The following BDH1 variants were observed in gnomAD, a reference collection of about 807,000 sequenced individuals.
BDH1 encodes the protein 3-hydroxybutyrate dehydrogenase 1.
A neutral mutation model predicts 33.1 loss-of-function variants in BDH1; 30 were observed. The observed-to-expected ratio is 0.91, with a 90% CI of 0.68 to 1.23. BDH1 has a LOEUF of 1.23. Ranked by LOEUF, BDH1 falls within the 50% of genes most tolerant of loss-of-function variation. BDH1 has a pLI of 0.00. For missense variants in BDH1, 443 were observed against 464.4 expected (o/e 0.95, Z 0.42); for synonymous variants, 190 against 183.6 (o/e 1.03, Z -0.28).
chr3:197,538,843 T>G (rs1715367210), intron 3 of BDH1: 2 of 164,994 alleles, frequency 1.2e-5, no homozygotes, highest in African/African-American at 2.4e-5. Context: ...TAAGTCCTTG[T>G]GCACGGATGG....
At chr3:197,568,291 GT>G (rs561555919) in intron 1 of BDH1, among the ~76,000 whole-genome samples, 6,561 of 148,590 alleles carry the variant, frequency 0.044, 407 homozygotes, top group African/African-American at 0.14. Context: ...AGTTTTGTGG[GT>G]TTTTTTTTTT....
chr3:197,570,580 T>C (rs1274428203), intron 1 of BDH1, among the ~76,000 whole-genome samples: 3 of 152,170 alleles, frequency 2.0e-5, no homozygotes, highest in Admixed American at 2.0e-4. Flanking sequence ...GGCTAAAAGG[T>C]GCCAAGGTAC....
intron 5 of BDH1, among the ~76,000 whole-genome samples, chr3:197,531,985 T>C (rs1473110211): frequency 6.6e-6 from 1 of 152,200 alleles, no homozygotes. Flanking sequence ...CAAATGTCAC[T>C]TCCTCTGGCA....
At chr3:197,555,553 G>C (rs1158966831) in intron 1 of BDH1, 1 of 152,350 alleles carries the variant, frequency 6.6e-6, no homozygotes, top group Non-Finnish European at 1.5e-5. Context: ...TGCTGCTGGA[G>C]ACGCCGGCAG....
chr3:197,513,957 C>A (rs114361425), intron 7 of BDH1, among the ~76,000 whole-genome samples: 1,766 of 152,282 alleles, frequency 0.012, 40 homozygotes, highest in African/African-American at 0.04. Flanking sequence ...AAGATGTGTA[C>A]ACACAGCTTT....
At chr3:197,571,543 T>C (rs550344649) in intron 1 of BDH1, among the ~76,000 whole-genome samples, 33 of 152,300 alleles carry the variant, frequency 2.2e-4, no homozygotes, top group African/African-American at 7.7e-4. Context: ...AGTGAATAAG[T>C]CTCATGAGAT....
In BDH1 at chr3:197,554,935, C is replaced by G. The variant is rs1716885475; in HGVS notation, c.-195-222G>C. Among the ~76,000 whole-genome samples, 1 of 152,248 alleles carries G rather than the reference C, an allele frequency of 6.6e-6. No individual in the cohort carries two copies. Among genetic ancestry groups the G allele is most frequent in the Non-Finnish European group, 1.5e-5 (1 of 68,042 alleles). ...CGCCCGAGACGGCGGCGCAGCCAAT[C>G]CCAGAGCAGCGCTCCCCAACGGCCG... On this transcript the variant is annotated intron_variant, in intron 1 of 7. Transcript: ENST00000392379. This position sits in a 1 kb window ranked among gnomAD's most constrained non-coding sequence, Gnocchi z 4.4.
chr3:197,536,607 G>A (rs1182434071), intron 3 of BDH1, among the ~76,000 whole-genome samples: 1 of 152,022 alleles, frequency 6.6e-6, no homozygotes, highest in Non-Finnish European at 1.5e-5. Context: ...TTGGGAGGCC[G>A]AGGCAGGTGG....
At chr3:197,548,320 A>G (rs1716262522) in intron 2 of BDH1, among the ~76,000 whole-genome samples, 2 of 152,320 alleles carry the variant, frequency 1.3e-5, no homozygotes, top group South Asian at 4.1e-4. Flanking sequence ...CTGGCTAAGC[A>G]CACACATCTC....
At chr3:197,552,658 T>C (rs564986598) in intron 2 of BDH1, among the ~76,000 whole-genome samples, 3 of 152,322 alleles carry the variant, frequency 2.0e-5, no homozygotes, top group Non-Finnish European at 4.4e-5. Flanking sequence ...TTTACTAAAA[T>C]GTTTACTAAG....
chr3:197,529,838 C>T (rs1376529260), intron 5 of BDH1: 1 of 152,170 alleles, frequency 6.6e-6, no homozygotes, highest in Non-Finnish European at 1.5e-5. Context: ...AATTCCTCCC[C>T]TGGGTTCCTA....
chr3:197,512,035 C>T lies in BDH1; in HGVS notation c.892G>A (p.Val298Ile), dbSNP rs770197020. 57 of 1,614,038 alleles carry T rather than the reference C, an allele frequency of 3.5e-5. No individual in the cohort carries two copies. The highest frequency in any genetic ancestry group is 4.8e-5 in the Non-Finnish European group (57 of 1,180,046). The change falls in exon 8 of 8, where the codon GTC becomes ATC. Residue 298 changes from valine (V) to isoleucine (I), a missense_variant. Transcript: ENST00000392379. ...CSSGSTDTSPVIDAVTHALTA... is the reference protein window; with the variant it reads ...CSSGSTDTSPIIDAVTHALTA... ...AGGGCGTGTGTGACAGCATCGATGA[C>T]AGGGGACGTGTCTGTGGAGCCACTG...
Position 197,511,880 on chromosome 3 carries a change from C to T in BDH1, c.*15G>A. The T allele has an allele frequency of 6.5e-7, 1 of 1,538,006 alleles. No homozygotes were observed. The highest frequency in any genetic ancestry group is 8.8e-7 in the Non-Finnish European group (1 of 1,140,608). On this transcript the variant is annotated 3_prime_UTR_variant, in exon 8 of 8. Coordinates refer to ENST00000392379, the MANE Select transcript of BDH1 (RefSeq NM_203314.3). ...TTCCACCAGGGATCCCTGACAGAGG[C>T]CACAGCGAGACTCTTCAGCGGATGT...
chr3:197,537,117 T>A (rs770131735), intron 3 of BDH1, among the ~76,000 whole-genome samples: 2 of 152,072 alleles, frequency 1.3e-5, no homozygotes, highest in Non-Finnish European at 2.9e-5. Context: ...GCCTCCCCAG[T>A]AGCTGGGACT....
chr3:197,534,657 G>C (rs1714989207), intron 3 of BDH1, among the ~76,000 whole-genome samples: 1 of 152,180 alleles, frequency 6.6e-6, no homozygotes. Context: ...CTGACAAACT[G>C]TTTATGAAAG....
chr3:197,527,590 C>A (rs1289697225), intron 5 of BDH1, among the ~76,000 whole-genome samples: 1 of 152,174 alleles, frequency 6.6e-6, no homozygotes, highest in Non-Finnish European at 1.5e-5. Flanking sequence ...CTTCCCTATG[C>A]TGATACAAGA....
chr3:197,532,463 G>C lies in BDH1; in HGVS notation c.216C>G (p.Ala72=). ...GGAAGCCTTTTGAATGCAGATGCTT[G>C]GCCAATGAGAACCCAAATCCAGAGT... The part of the protein sequence containing the change: ...GCDSGFGFSL[A]KHLHSKGFLV... The change falls in exon 5 of 8, where the codon GCC becomes GCG. Residue 72 remains alanine, a synonymous_variant. Transcript: ENST00000392379. The C allele has an allele frequency of 5.6e-6, 9 of 1,614,214 alleles. No individual in the cohort carries two copies. The highest frequency in any genetic ancestry group is 7.6e-6 in the Non-Finnish European group (9 of 1,180,030).
At chr3:197,559,486 T>A (rs1717192956), upstream of BDH1, among the ~76,000 whole-genome samples, 1 of 152,264 alleles carries the variant, frequency 6.6e-6, no homozygotes, top group Non-Finnish European at 1.5e-5. Flanking sequence ...GAACTCATAC[T>A]TTGATCTTCT....
chr3:197,529,899 G>A (rs1201727768), intron 5 of BDH1: 2 of 152,194 alleles, frequency 1.3e-5, no homozygotes, highest in African/African-American at 4.8e-5. Flanking sequence ...GAGAAAGCAA[G>A]TTGTCCTGAA....
Sources: allele counts gnomAD v4.1 joint callset (sites outside exome capture counted in the v4.1 genomes callset), GRCh38; gene constraint gnomAD v4.1.1; non-coding constraint Gnocchi (gnomAD v3.1); transcripts MANE v1.5; gene names NCBI Gene and HGNC (gene_info 2026-07-23, HGNC 2026-07-21).